Variants in SYT16 observed in about 807,000 individuals in gnomAD.
SYT16 encodes synaptotagmin 16.
In SYT16, 42 loss-of-function variants were observed where a neutral mutation model predicts 61.4. The ratio of observed to expected loss-of-function variants is 0.68; its 90% CI spans 0.53 to 0.89. The LOEUF is 0.89. Ranked by LOEUF, SYT16 falls within the 40% of genes least tolerant of loss-of-function variation. SYT16 has a pLI of 0.00. For synonymous variants in SYT16, 314 were observed against 302.3 expected, an observed-to-expected ratio of 1.04 and a Z score of -0.40; for missense variants, 804 against 807.3, an observed-to-expected ratio of 1.00 and a Z score of 0.05.
chr14:61,946,981 A>C (rs1367334834), intron 1 of SYT16, among the ~76,000 whole-genome samples: 1 of 152,040 alleles, frequency 6.6e-6, no homozygotes, highest in South Asian at 2.1e-4. Context: ...CTTCCCAGCC[A>C]TCAAAAGTAT....
chr14:61,945,236 C>T (rs1417705243), intron 1 of SYT16, among the ~76,000 whole-genome samples: 1 of 152,170 alleles, frequency 6.6e-6, no homozygotes, highest in Non-Finnish European at 1.5e-5. Context: ...CAGGAAACAA[C>T]AGATGCTGGA....
intron 1 of SYT16, among the ~76,000 whole-genome samples, chr14:61,830,997 T>G (rs2045920529): frequency 6.6e-6 from 1 of 152,256 alleles, no homozygotes; most frequent in African/African-American, 2.4e-5. Flanking sequence ...ACAAGGGTTC[T>G]GTCTTGCAGC....
chr14:61,894,346 C>A (rs2048252431), intron 1 of SYT16, among the ~76,000 whole-genome samples: 2 of 151,330 alleles, frequency 1.3e-5, no homozygotes, highest in Non-Finnish European at 2.9e-5. Context: ...TCCGTACCCA[C>A]CCCCTGCCCC....
chr14:62,002,469 G>C (rs1408880493), intron 3 of SYT16, among the ~76,000 whole-genome samples: 1 of 151,902 alleles, frequency 6.6e-6, no homozygotes, highest in East Asian at 1.9e-4. Context: ...GGAAAAGCCT[G>C]TTATTATGCA....
chr14:61,941,869 G>T (rs1273903470), intron 1 of SYT16, among the ~76,000 whole-genome samples: 1 of 152,186 alleles, frequency 6.6e-6, no homozygotes, highest in Non-Finnish European at 1.5e-5. Context: ...AAGTCAATAA[G>T]CTTTTTGGAA....
At chr14:61,943,836 C>T (rs1328695106) in intron 1 of SYT16, among the ~76,000 whole-genome samples, 1 of 152,122 alleles carries the variant, frequency 6.6e-6, no homozygotes, top group East Asian at 1.9e-4. Context: ...ACAAGAGTGC[C>T]CTCTCTCACC....
intron 3 of SYT16, among the ~76,000 whole-genome samples, chr14:62,052,937 A>C (rs968610161): frequency 2.6e-5 from 4 of 152,250 alleles, no homozygotes; most frequent in African/African-American, 9.6e-5. Flanking sequence ...TTTTTATAGC[A>C]GCATGAAAGA....
intron 3 of SYT16, among the ~76,000 whole-genome samples, chr14:62,068,996 A>G (rs1049667228): frequency 2.0e-5 from 3 of 152,096 alleles, no homozygotes; most frequent in Admixed American, 6.5e-5. Flanking sequence ...GGGTTTCACC[A>G]TATTGGCCAG....
intron 1 of SYT16, among the ~76,000 whole-genome samples, chr14:61,838,263 C>T (rs994746348): frequency 1.3e-5 from 2 of 152,172 alleles, no homozygotes; most frequent in African/African-American, 2.4e-5. Context: ...TTTCCCACTC[C>T]ATAGGATAAT....
rs1288684083 is a variant in SYT16, at chr14:61,818,230, C to T, written c.-325+5420C>T. Among the ~76,000 whole-genome samples, 4 of 152,144 alleles carry T rather than the reference C, an allele frequency of 2.6e-5. No homozygotes were observed. In the East Asian group the frequency reaches 7.7e-4, roughly 29 times the overall value. On this transcript the variant is annotated intron_variant, in intron 1 of 7. Coordinates refer to ENST00000683842, the MANE Select transcript of SYT16 (RefSeq NM_001367656.1). ...TAATGAGCGTTGGTATTTCACCAGGCTTGTTGCATCCATCTCCACCTCCAC... is the reference window on the plus strand; with the variant it reads ...TAATGAGCGTTGGTATTTCACCAGGTTTGTTGCATCCATCTCCACCTCCAC...
chr14:62,076,166 T>G (rs2140959600), intron 5 of SYT16, among the ~76,000 whole-genome samples: 1 of 152,342 alleles, frequency 6.6e-6, no homozygotes, highest in South Asian at 2.1e-4. Flanking sequence ...CCAAATTGTT[T>G]CCTTTTACTG....
chr14:61,992,266 CAG>C (rs1566744343), intron 2 of SYT16, among the ~76,000 whole-genome samples: 3 of 151,964 alleles, frequency 2.0e-5, no homozygotes, highest in South Asian at 2.1e-4. Context: ...GCAAAACAAA[CAG>C]AAGTCAGGAA....
rs2057460276 is a variant in SYT16 at position 62,103,598 on chromosome 14, A to G, written c.*2891A>G. On this transcript the variant is annotated 3_prime_UTR_variant, in exon 8 of 8. Coordinates refer to ENST00000683842, the MANE Select transcript of SYT16 (RefSeq NM_001367656.1). ...CCTCTGACTATTGTTGAATTTTTAA[A>G]TGGACCATTCACCAGGCAGCCGAAC... is the stretch of plus-strand genomic sequence containing the variant. 1.3e-5 allele frequency: 2 copies of G among 152,170 alleles called. No individual in the cohort carries two copies. Among genetic ancestry groups the G allele is most frequent in the Non-Finnish European group, 2.9e-5 (2 of 68,058 alleles). The allele number at this position is 152,170 out of a possible 1,614,324, so 9.4% of individuals were successfully genotyped here. A position where few individuals can be genotyped will look rare whatever the true frequency, so the allele number is the denominator to read the frequency against.
intron 3 of SYT16, among the ~76,000 whole-genome samples, chr14:62,011,904 CATATATAT>C (rs368080979): frequency 3.3e-5 from 3 of 90,204 alleles, no homozygotes; most frequent in African/African-American, 7.8e-5. Context: ...CACACACACA[CATATATAT>C]ACACACACAC....
chr14:62,011,493 C>T lies in SYT16; in HGVS notation c.523+14951C>T, dbSNP rs149460203. Among the ~76,000 whole-genome samples the T allele has an allele frequency of 1.5e-3, 228 of 152,276 alleles. 1 individual carries two copies. Among genetic ancestry groups the T allele is most frequent in the African/African-American group, 5.2e-3 (214 of 41,542 alleles). ...ACTTAAATTATGTGACAAACTTTAG[C>T]AATCTCTGAAGCCAGGGAAATGTGA... On this transcript the variant is annotated intron_variant, in intron 3 of 7. Coordinates refer to ENST00000683842, the MANE Select transcript of SYT16 (RefSeq NM_001367656.1).
intron 1 of SYT16, among the ~76,000 whole-genome samples, chr14:61,874,349 A>C (rs1308888264): frequency 1.3e-5 from 2 of 152,200 alleles, no homozygotes; most frequent in Non-Finnish European, 2.9e-5. Flanking sequence ...CGGGATGTGA[A>C]TGCCACATAT....
chr14:62,095,683 C>T (rs1398135646), intron 7 of SYT16, among the ~76,000 whole-genome samples: 1 of 151,612 alleles, frequency 6.6e-6, no homozygotes, highest in Non-Finnish European at 1.5e-5. Flanking sequence ...AGTTTTTTTT[C>T]CACATTATAT....
At chr14:61,909,081 T>C (rs1287569369) in intron 1 of SYT16, among the ~76,000 whole-genome samples, 1 of 152,186 alleles carries the variant, frequency 6.6e-6, no homozygotes, top group Non-Finnish European at 1.5e-5. Context: ...ATTACAGGCA[T>C]GAGCCACCGT....
chr14:61,915,966 A>G lies in SYT16; in HGVS notation c.-324-54166A>G, dbSNP rs572701076. Among the ~76,000 whole-genome samples, 10 of 152,324 alleles carry G rather than the reference A, an allele frequency of 6.6e-5. No homozygotes were observed. In the South Asian group the frequency reaches 2.1e-3, roughly 32 times the overall value. Reference sequence around the variant, plus strand: ...ATAGTACAACGTGAATTCAACCTACATCTTGGAGCATTCTTGTGTTCCTTG... The same window carrying G: ...ATAGTACAACGTGAATTCAACCTACGTCTTGGAGCATTCTTGTGTTCCTTG... On this transcript the variant is annotated intron_variant, in intron 1 of 7. Transcript: ENST00000683842.
Sources: allele counts gnomAD v4.1 joint callset (sites outside exome capture counted in the v4.1 genomes callset), GRCh38; gene constraint gnomAD v4.1.1; transcripts MANE v1.5; gene names NCBI Gene and HGNC (gene_info 2026-07-23, HGNC 2026-07-21).